Variants in RANGAP1 observed in about 807,000 individuals in gnomAD.
RANGAP1 encodes Ran GTPase activating protein 1.
A neutral mutation model predicts 63.5 loss-of-function variants in RANGAP1; 38 were observed. The ratio of observed to expected loss-of-function variants is 0.60; its 90% CI spans 0.46 to 0.78. The LOEUF is 0.78. Among genes scored for constraint, RANGAP1 ranks in the 30% least tolerant of loss-of-function variants. The pLI is 0.00. For synonymous variants in RANGAP1, 329 were observed against 310.5 expected (o/e 1.06, Z -0.63); for missense variants, 630 against 740.3 (o/e 0.85, Z 1.73).
chr22:41,282,828 G>C (rs1356849458), intron 1 of RANGAP1, among the ~76,000 whole-genome samples: 1 of 152,100 alleles, frequency 6.6e-6, no homozygotes, highest in Non-Finnish European at 1.5e-5. Context: ...ACGTATCTGT[G>C]AGATGCTCCA....
intron 12 of RANGAP1, among the ~76,000 whole-genome samples, chr22:41,252,055 G>A (rs187531416): frequency 2.0e-5 from 3 of 152,218 alleles, no homozygotes; most frequent in East Asian, 3.9e-4. Flanking sequence ...AGGGCTGGCC[G>A]GGCACGGTGG....
At chr22:41,294,945 C>A in the RANGAP1 span, among the ~76,000 whole-genome samples, 1 of 111,680 alleles carries the variant, frequency 9.0e-6, no homozygotes, top group Non-Finnish European at 1.8e-5. Context: ...ATCAGCCCCC[C>A]GCCCGGCCAG....
At chr22:41,276,600 T>C (rs777494291) in intron 2 of RANGAP1, among the ~76,000 whole-genome samples, 1 of 151,918 alleles carries the variant, frequency 6.6e-6, no homozygotes, top group African/African-American at 2.4e-5. Context: ...GATCGTGGCA[T>C]TGCACTAATC....
chr22:41,272,464 C>T (rs1161397542), intron 3 of RANGAP1, among the ~76,000 whole-genome samples: 1 of 152,120 alleles, frequency 6.6e-6, no homozygotes, highest in Non-Finnish European at 1.5e-5. Context: ...GAAACTGGCA[C>T]CACAGAGAGA....
At chr22:41,271,324 G>C (rs897248883) in intron 3 of RANGAP1, among the ~76,000 whole-genome samples, 1 of 149,890 alleles carries the variant, frequency 6.7e-6, no homozygotes, top group Non-Finnish European at 1.5e-5. Context: ...GGAGTGCAAG[G>C]CTGCAGCAAG....
At chr22:41,278,516 C>T (rs1012283502) in intron 2 of RANGAP1, among the ~76,000 whole-genome samples, 1 of 152,206 alleles carries the variant, frequency 6.6e-6, no homozygotes, top group African/African-American at 2.4e-5. Flanking sequence ...TTATCTGACA[C>T]GGTGTTCAAT....
chr22:41,301,090 T>A, the RANGAP1 span, among the ~76,000 whole-genome samples: 5 of 152,080 alleles, frequency 3.3e-5, no homozygotes, highest in Non-Finnish European at 2.9e-5. Flanking sequence ...CATTCAATAT[T>A]TTTTTTAACA....
chr22:41,256,008 C>T lies in RANGAP1; in HGVS notation c.1073+13G>A, dbSNP rs1428420403. 1 of 1,611,822 alleles carries T rather than the reference C, an allele frequency of 6.2e-7. No individual in the cohort carries two copies. The highest frequency in any genetic ancestry group is 1.7e-5 in the Admixed American group (1 of 59,988). ...CCTGACCCCGACCTCTGGGGCCACC[C>T]CGAGTTCCCTACCTGAGGGACGCCA... is the stretch of plus-strand genomic sequence containing the variant. On this transcript the variant is annotated intron_variant, in intron 10 of 15. Transcript: ENST00000356244.
chr22:41,246,578 C>T lies in RANGAP1; in HGVS notation c.*25G>A, dbSNP rs2033045724. 1 of 1,527,572 alleles carries T rather than the reference C, an allele frequency of 6.5e-7. No individual in the cohort carries two copies. Among genetic ancestry groups the T allele is most frequent in the East Asian group, 2.4e-5 (1 of 41,996 alleles). 94.6% of individuals were successfully genotyped at this position (1,527,572 alleles called of 1,614,324 possible). On this transcript the variant is annotated 3_prime_UTR_variant, in exon 16 of 16. Coordinates refer to ENST00000356244, the MANE Select transcript of RANGAP1 (RefSeq NM_002883.4). The stretch of plus-strand genomic sequence containing the variant: ...TCCCTCCCCAGCTCACTGGTCCAGG[C>T]CAAGGGATGGGAGAGGCTTTGAGTC...
Position 41,245,598 on chromosome 22 carries a change from G to A in RANGAP1, c.*1005C>T, listed in dbSNP as rs2032975203. 2 of 152,220 alleles carry A rather than the reference G, an allele frequency of 1.3e-5. No individual in the cohort carries two copies. The highest frequency in any genetic ancestry group is 4.8e-5 in the African/African-American group (2 of 41,428). 9.4% of individuals were successfully genotyped at this position (152,220 alleles called of 1,614,324 possible). On this transcript the variant is annotated 3_prime_UTR_variant, in exon 16 of 16. Transcript: ENST00000356244. ...CGAGACTATCCCGCTTTCAGTGAGAGTTTCTGAGTCTCTGAAGCTGCCACA... is the reference window on the plus strand; with the variant it reads ...CGAGACTATCCCGCTTTCAGTGAGAATTTCTGAGTCTCTGAAGCTGCCACA...
chr22:41,274,776 G>T, intron 2 of RANGAP1, 49 bp from the exon 3 acceptor site: 1 of 1,606,988 alleles, frequency 6.2e-7, no homozygotes. Flanking sequence ...ATCACAAACA[G>T]CTAAGATAGG....
chr22:41,268,318 C>T (rs1326107522), intron 3 of RANGAP1, among the ~76,000 whole-genome samples, 162 bp from the exon 4 acceptor site: 1 of 151,986 alleles, frequency 6.6e-6, no homozygotes, highest in Admixed American at 6.6e-5. Flanking sequence ...TGCAGTGGCG[C>T]GATCTCAGCT....
intron 4 of RANGAP1, among the ~76,000 whole-genome samples, chr22:41,266,185 G>A (rs959554290): frequency 1.4e-5 from 2 of 143,286 alleles, no homozygotes; most frequent in Admixed American, 1.5e-4. Flanking sequence ...CTGGGAAACA[G>A]AGTGAGACTC....
the RANGAP1 span, among the ~76,000 whole-genome samples, chr22:41,297,488 A>T: frequency 6.6e-6 from 1 of 151,752 alleles, no homozygotes; most frequent in East Asian, 1.9e-4. Flanking sequence ...GAGCCATCAC[A>T]GACCCTTTCA....
At chr22:41,268,935 AG>A (rs2145783971) in intron 3 of RANGAP1, among the ~76,000 whole-genome samples, 1 of 152,326 alleles carries the variant, frequency 6.6e-6, no homozygotes, top group African/African-American at 2.4e-5. Context: ...TTTTTAACAA[AG>A]GGAGAGCAAG....
Position 41,246,612 on chromosome 22 carries a change from G to A in RANGAP1, c.1755C>T (p.Tyr585=). The A allele has an allele frequency of 1.9e-6, 3 of 1,576,012 alleles. No individual in the cohort carries two copies. Among genetic ancestry groups the A allele is most frequent in the Non-Finnish European group, 2.6e-6 (3 of 1,159,080 alleles). ...GGGAGAGGCTTTGAGTCTAGACCTTGTACAGCGTCTGCAGCAGACTGTGGC... is the reference window on the plus strand; with the variant it reads ...GGGAGAGGCTTTGAGTCTAGACCTTATACAGCGTCTGCAGCAGACTGTGGC... ...FARHSLLQTL[Y]KV Residue 585 remains tyrosine, a synonymous_variant, in exon 16 of 16, where the codon TAC becomes TAT. Coordinates refer to ENST00000356244, the MANE Select transcript of RANGAP1 (RefSeq NM_002883.4).
intron 7 of RANGAP1, 145 bp from the exon 8 acceptor site, chr22:41,256,969 A>G: frequency 1.6e-6 from 1 of 642,690 alleles, no homozygotes; most frequent in Non-Finnish European, 2.7e-6. Context: ...GCCGTCTTCT[A>G]CTTGTTGGCC....
chr22:41,269,741 A>C (rs1037943448), intron 3 of RANGAP1, among the ~76,000 whole-genome samples: 3 of 145,684 alleles, frequency 2.1e-5, no homozygotes, highest in African/African-American at 7.7e-5. Flanking sequence ...GACTCTCTCA[A>C]AAAAAAAAAA....
chr22:41,280,626 CAG>C, intron 2 of RANGAP1: 1 of 1,274,516 alleles, frequency 7.8e-7, no homozygotes, highest in South Asian at 1.2e-5. Context: ...GATATTAAGT[CAG>C]AGTCAGAGGC....
Sources: gnomAD v4.1 joint callset for allele counts (sites outside exome capture counted in the v4.1 genomes callset) on GRCh38, gnomAD v4.1.1 for gene constraint, MANE v1.5 for transcripts, NCBI Gene and HGNC (gene_info 2026-07-23, HGNC 2026-07-21) for gene names.